DLG2: variants seen among roughly 807,000 people sequenced by gnomAD.
DLG2 encodes discs large MAGUK scaffold protein 2, also known as disks large homolog 2.
In DLG2, 45 loss-of-function variants were observed where a neutral mutation model predicts 132.5. That is an observed-to-expected ratio of 0.34 (90% confidence interval 0.27 to 0.44). The LOEUF is 0.44. Among genes scored for constraint, DLG2 ranks in the 20% least tolerant of loss-of-function variants. The pLI, the probability that DLG2 is intolerant of heterozygous loss-of-function variation, is 1.00. For synonymous variants in DLG2, 424 were observed against 419.6 expected, an observed-to-expected ratio of 1.01 and a Z score of -0.13; for missense variants, 1,045 against 1,196.9, an observed-to-expected ratio of 0.87 and a Z score of 1.87.
At chr11:85,342,711 C>T (rs558091048) in intron 3 of DLG2, among the ~76,000 whole-genome samples, 10 of 152,180 alleles carry the variant, frequency 6.6e-5, no homozygotes, top group Admixed American at 2.6e-4. Flanking sequence ...TTGTTTATAC[C>T]AGCATCGCCA....
At chr11:83,669,998 T>C (rs2076568111) in intron 18 of DLG2, among the ~76,000 whole-genome samples, 1 of 152,242 alleles carries the variant, frequency 6.6e-6, no homozygotes, top group Non-Finnish European at 1.5e-5. Context: ...CTTATAGCTA[T>C]GCTTTAAATT....
intron 19 of DLG2, among the ~76,000 whole-genome samples, chr11:83,569,940 C>A (rs1251235688): frequency 6.6e-6 from 1 of 152,168 alleles, no homozygotes; most frequent in Non-Finnish European, 1.5e-5. Context: ...TTCATGAGGA[C>A]ATGTTGAATG....
At chr11:84,881,734 T>C (rs2087377650) in intron 6 of DLG2, among the ~76,000 whole-genome samples, 1 of 152,100 alleles carries the variant, frequency 6.6e-6, no homozygotes, top group Non-Finnish European at 1.5e-5. Context: ...CAAGGCAGAC[T>C]GTGATACTGT....
At chr11:84,927,995 C>T (rs2047605376) in intron 6 of DLG2, among the ~76,000 whole-genome samples, 2 of 151,894 alleles carry the variant, frequency 1.3e-5, no homozygotes, top group Admixed American at 1.3e-4. Flanking sequence ...AGAATCACTG[C>T]TCTGAAGAAA....
intron 16 of DLG2, among the ~76,000 whole-genome samples, chr11:83,858,540 T>G (rs2060917677): frequency 6.6e-6 from 1 of 152,180 alleles, no homozygotes; most frequent in African/African-American, 2.4e-5. Flanking sequence ...TTGGAAAATC[T>G]TCTGCCTGTC....
At chr11:83,942,147 G>A (rs186759645) in intron 14 of DLG2, among the ~76,000 whole-genome samples, 39 of 152,214 alleles carry the variant, frequency 2.6e-4, no homozygotes, top group African/African-American at 2.6e-4. Flanking sequence ...TAGTTTTAAC[G>A]TAGGCATTAA....
intron 21 of DLG2, among the ~76,000 whole-genome samples, chr11:83,513,028 A>G (rs971949614): frequency 6.6e-6 from 1 of 152,204 alleles, no homozygotes; most frequent in East Asian, 1.9e-4. Context: ...ATGATTTATA[A>G]TCCTTTGGGT....
chr11:85,300,464 A>C (rs2079519278), intron 3 of DLG2, among the ~76,000 whole-genome samples: 1 of 152,144 alleles, frequency 6.6e-6, no homozygotes, highest in Non-Finnish European at 1.5e-5. Flanking sequence ...CAGGCAAAAC[A>C]AACAAGGAGT....
intron 15 of DLG2, among the ~76,000 whole-genome samples, chr11:83,888,182 A>G (rs2068524964): frequency 6.6e-6 from 1 of 151,684 alleles, no homozygotes; most frequent in Admixed American, 6.6e-5. Context: ...AGACGACATG[A>G]TTGTATATCT....
chr11:84,865,164 T>C (rs1269555853), intron 6 of DLG2, among the ~76,000 whole-genome samples: 2 of 152,150 alleles, frequency 1.3e-5, no homozygotes, highest in Admixed American at 1.3e-4. Context: ...CAAACAGAGA[T>C]GATGGCCAGG....
At chr11:83,513,762 T>C (rs2095164711) in intron 21 of DLG2, among the ~76,000 whole-genome samples, 2 of 152,140 alleles carry the variant, frequency 1.3e-5, no homozygotes, top group Admixed American at 6.5e-5. Flanking sequence ...GCCAGTTGTC[T>C]CAGCACCATT....
At chr11:85,411,270 GA>G (rs935053828) in intron 3 of DLG2, among the ~76,000 whole-genome samples, 1 of 151,724 alleles carries the variant, frequency 6.6e-6, no homozygotes. Flanking sequence ...GGACAAAAAA[GA>G]GGAAGCATAA....
At chr11:84,813,401 G>A (rs2076776496) in intron 6 of DLG2, among the ~76,000 whole-genome samples, 2 of 152,064 alleles carry the variant, frequency 1.3e-5, no homozygotes, top group Admixed American at 1.3e-4. Context: ...GAGGTACAGA[G>A]AAGATGATTA....
intron 6 of DLG2, among the ~76,000 whole-genome samples, chr11:84,821,282 T>C (rs961531362): frequency 4.0e-5 from 6 of 151,730 alleles, no homozygotes; most frequent in Admixed American, 1.3e-4. Context: ...AGAACTCTGA[T>C]CATGATCTGT....
intron 19 of DLG2, among the ~76,000 whole-genome samples, chr11:83,596,222 A>C (rs2057554231): frequency 6.6e-6 from 1 of 152,192 alleles, no homozygotes; most frequent in South Asian, 2.1e-4. Flanking sequence ...GAGGATGTCC[A>C]TTCTTCCCTC....
chr11:85,379,103 C>T (rs1323209060), intron 3 of DLG2, among the ~76,000 whole-genome samples: 2 of 152,118 alleles, frequency 1.3e-5, no homozygotes, highest in Admixed American at 1.3e-4. Context: ...GCTTCATTCA[C>T]CATAAGTAGG....
intron 25 of DLG2, among the ~76,000 whole-genome samples, chr11:83,467,842 CATATATATAT>C (rs72288955): frequency 1.7e-5 from 2 of 117,724 alleles, no homozygotes; most frequent in African/African-American, 3.0e-5. Flanking sequence ...ATAATTAAAA[CATATATATAT>C]ATATATATAT....
At chr11:84,531,424 A>G (rs2099339952) in intron 7 of DLG2, among the ~76,000 whole-genome samples, 1 of 152,210 alleles carries the variant, frequency 6.6e-6, no homozygotes, top group South Asian at 2.1e-4. Context: ...AACCTCCATG[A>G]TATGCAGTTT....
chr11:85,477,935 AGG>A (rs1274863822), intron 3 of DLG2, among the ~76,000 whole-genome samples: 2 of 152,166 alleles, frequency 1.3e-5, no homozygotes, highest in African/African-American at 4.8e-5. Flanking sequence ...ACATTAAGAC[AGG>A]TAGAAATATT....
Sources: allele counts gnomAD v4.1 joint callset (sites outside exome capture counted in the v4.1 genomes callset), GRCh38; gene constraint gnomAD v4.1.1; transcripts MANE v1.5; gene names NCBI Gene and HGNC (gene_info 2026-07-23, HGNC 2026-07-21).